The following POLE2 variants were observed in gnomAD, a reference collection of about 807,000 sequenced individuals.
POLE2 encodes DNA polymerase epsilon 2, accessory subunit.
A neutral mutation model predicts 79.4 loss-of-function variants in POLE2; 56 were observed. The ratio of observed to expected loss-of-function variants is 0.71; its 90% CI spans 0.57 to 0.88. The LOEUF is 0.88. Ranked by LOEUF, POLE2 falls within the 40% of genes least tolerant of loss-of-function variation. The pLI is 0.00. For synonymous variants in POLE2, 212 were observed against 214.0 expected (o/e 0.99, Z 0.08); for missense variants, 598 against 638.9 (o/e 0.94, Z 0.69).
rs895291349 is a variant in POLE2 at position 49,666,314 on chromosome 14, A to G, written c.576+16T>C. On this transcript the variant is annotated intron_variant, in intron 7 of 18. Transcript: ENST00000216367. The stretch of plus-strand genomic sequence containing the variant: ...ATCCAAGGCCAAAAATAAAAGTTTG[A>G]TGCTTATTAAGTTACCTCTTTTAAC... 5 of 1,389,296 alleles carry G rather than the reference A, an allele frequency of 3.6e-6. No individual in the cohort carries two copies. The highest frequency in any genetic ancestry group is 4.0e-6 in the Non-Finnish European group (4 of 1,007,544). The allele number at this position is 1,389,296 out of a possible 1,614,324, so 86.1% of individuals were successfully genotyped here.
At chr14:49,664,459 CA>C (rs1393871200) in intron 9 of POLE2, among the ~76,000 whole-genome samples, 166 bp downstream of exon 9, 1 of 152,064 alleles carries the variant, frequency 6.6e-6, no homozygotes, top group Non-Finnish European at 1.5e-5. Flanking sequence ...TTCATCACCC[CA>C]AAAAGATTTC....
At chr14:49,648,083 T>G (rs4900944) in intron 17 of POLE2, among the ~76,000 whole-genome samples, 33,620 of 152,204 alleles carry the variant, frequency 0.22, 4,000 homozygotes, top group Admixed American at 0.3. Flanking sequence ...AAAACTGATT[T>G]GCATTCCTAT....
Position 49,650,482 on chromosome 14 carries a change from G to A in POLE2, c.1321-41C>T, listed in dbSNP as rs376391349. ...AAACAAAGCAAACTTCAGTTCATTT[G>A]CAAAAGTGAAAATAGCTAAACAAAT... is the stretch of plus-strand genomic sequence containing the variant. On this transcript the variant is annotated intron_variant, in intron 16 of 18. Transcript: ENST00000216367. 13 of 1,308,826 alleles carry A rather than the reference G, an allele frequency of 9.9e-6. No individual in the cohort carries two copies. In the African/African-American group the frequency reaches 1.8e-4, roughly 18 times the overall value. The allele number at this position is 1,308,826 out of a possible 1,614,324, so 81.1% of individuals were successfully genotyped here. A position where few individuals can be genotyped will look rare whatever the true frequency, so the allele number is the denominator to read the frequency against.
At chr14:49,671,642 C>T (rs556994473) in intron 5 of POLE2, among the ~76,000 whole-genome samples, 26 of 117,070 alleles carry the variant, frequency 2.2e-4, no homozygotes, top group Admixed American at 1.8e-3. Flanking sequence ...AAAAAAAAGA[C>T]GTACTACTGG....
intron 10 of POLE2, among the ~76,000 whole-genome samples, chr14:49,660,332 G>C (rs897809398): frequency 9.9e-5 from 15 of 152,030 alleles, no homozygotes; most frequent in African/African-American, 3.4e-4. Flanking sequence ...ACATTTCTCA[G>C]GATGTATCCC....
intron 10 of POLE2, 71 bp from the exon 11 acceptor site, chr14:49,655,914 G>A: frequency 1.3e-6 from 1 of 776,724 alleles, no homozygotes; most frequent in Non-Finnish European, 2.1e-6. Context: ...TATACATTTA[G>A]CTTCTTTGTA....
intron 1 of POLE2, among the ~76,000 whole-genome samples, chr14:49,684,338 G>A (rs969361716): frequency 6.6e-6 from 1 of 151,934 alleles, no homozygotes; most frequent in African/African-American, 2.4e-5. Flanking sequence ...GGTGGCGGGC[G>A]CCTGTAGTCC....
At position 49,678,687 on chromosome 14, in the gene POLE2, C is replaced by G. The variant is rs181402689; in HGVS notation, c.245+1038G>C. ...ATGTATTTTTTTTGAGACAGAGTCT[C>G]ACTCTGTCGCCCAGACTAGAGTGCA... is the stretch of plus-strand genomic sequence containing the variant. On this transcript the variant is annotated intron_variant, in intron 3 of 18. Transcript: ENST00000216367. Among the ~76,000 whole-genome samples, 17 of 152,182 alleles carry G rather than the reference C, an allele frequency of 1.1e-4. No homozygotes were observed. In the East Asian group the frequency reaches 3.1e-3, roughly 28 times the overall value.
chr14:49,653,939 C>A, intron 15 of POLE2, 51 bp downstream of exon 15: 1 of 1,123,190 alleles, frequency 8.9e-7, no homozygotes. Context: ...CCACACCTGG[C>A]TAATTTTTAA....
intron 3 of POLE2, chr14:49,677,679 A>G: frequency 9.1e-7 from 1 of 1,098,432 alleles, no homozygotes; most frequent in Non-Finnish European, 1.3e-6. Context: ...GAAGGCCCTT[A>G]CGAAATGGTG....
At chr14:49,649,486 G>A (rs1303599484) in intron 17 of POLE2, among the ~76,000 whole-genome samples, 1 of 147,926 alleles carries the variant, frequency 6.8e-6, no homozygotes, top group Non-Finnish European at 1.5e-5. Context: ...GTCTCGCTCT[G>A]TCGCCCAGGC....
chr14:49,670,991 T>C (rs148655636), intron 5 of POLE2, among the ~76,000 whole-genome samples: 3 of 152,118 alleles, frequency 2.0e-5, no homozygotes, highest in Non-Finnish European at 4.4e-5. Context: ...CTATAGACAA[T>C]GAGAAACAAA....
rs753020460 is a variant in POLE2 at position 49,655,699 on chromosome 14, T to C, written c.900A>G (p.Val300=). The change falls in exon 11 of 19, where the codon GTA becomes GTG. Residue 300 remains valine, a synonymous_variant. Transcript: ENST00000216367. The part of the protein sequence containing the change: ...LSDVWLDQVE[V]LEKLRIMFAG... ...CAAACATTATGCGAAGTTTTTCCAA[T>C]ACTTCCACCTGGTCCAACCAAACAT... The C allele has an allele frequency of 6.2e-7, 1 of 1,607,658 alleles. No homozygotes were observed. Among genetic ancestry groups the C allele is most frequent in the Non-Finnish European group, 8.5e-7 (1 of 1,178,178 alleles).
At position 49,679,714 on chromosome 14, in the gene POLE2, T is replaced by C. The variant is rs1245233990; in HGVS notation, c.245+11A>G. On this transcript the variant is annotated intron_variant, in intron 3 of 18. Transcript: ENST00000216367. ...CTCCAAGGAGGAAAAAAGTTAACTG[T>C]ACCCACATACATAGTTTCATCAACA... The C allele has an allele frequency of 6.7e-7, 1 of 1,489,326 alleles. No homozygotes were observed. The highest frequency in any genetic ancestry group is 9.3e-7 in the Non-Finnish European group (1 of 1,071,496). 92.3% of individuals were successfully genotyped at this position (1,489,326 alleles called of 1,614,324 possible).
intron 18 of POLE2, among the ~76,000 whole-genome samples, chr14:49,646,301 GGTTTTTTTTT>G (rs1883757028): frequency 1.1e-5 from 1 of 90,758 alleles, no homozygotes. Flanking sequence ...TTTTTTTGTT[GGTTTTTTTTT>G]TTTTTTTTTT....
At chr14:49,678,963 T>C (rs11157701) in intron 3 of POLE2, among the ~76,000 whole-genome samples, 12,054 of 152,266 alleles carry the variant, frequency 0.079, 630 homozygotes, top group Non-Finnish European at 0.12. Flanking sequence ...GGTCACACTA[T>C]AGTATTTTAA....
intron 17 of POLE2, among the ~76,000 whole-genome samples, chr14:49,649,426 G>A (rs1336734889): frequency 1.3e-5 from 2 of 149,934 alleles, no homozygotes; most frequent in African/African-American, 2.5e-5. Flanking sequence ...GATTACAGGC[G>A]TGAGCCACCA....
chr14:49,677,415 A>G, intron 3 of POLE2: 1 of 475,766 alleles, frequency 2.1e-6, no homozygotes, highest in Non-Finnish European at 3.8e-6. Context: ...GGTTAGGCCC[A>G]CAGGGACCTG....
chr14:49,665,010 T>C (rs35615446), intron 8 of POLE2, 97 bp downstream of exon 8: 115,330 of 690,056 alleles, frequency 0.17, 10,991 homozygotes, highest in African/African-American at 0.25. Context: ...AGAAGTTACA[T>C]TGAGAACCCA....
Sources: gnomAD v4.1 joint callset for allele counts (sites outside exome capture counted in the v4.1 genomes callset) on GRCh38, gnomAD v4.1.1 for gene constraint, MANE v1.5 for transcripts, NCBI Gene and HGNC (gene_info 2026-07-23, HGNC 2026-07-21) for gene names.